EMILIN2: variants seen among roughly 807,000 people sequenced by gnomAD.
EMILIN2 encodes the protein elastin microfibril interfacer 2.
In EMILIN2, 71 loss-of-function variants were observed where a neutral mutation model predicts 87.1. That is an observed-to-expected ratio of 0.82 (90% CI 0.67 to 0.99). The LOEUF (loss-of-function observed/expected upper bound fraction) is 0.99. Among genes scored for constraint, EMILIN2 ranks in the 50% least tolerant of loss-of-function variants. The pLI, the probability that EMILIN2 is intolerant of heterozygous loss-of-function variation, is 0.00. For synonymous variants in EMILIN2, 581 were observed against 563.4 expected (o/e 1.03, Z -0.44); for missense variants, 1,407 against 1,371.8 (o/e 1.03, Z -0.40).
At chr18:2,912,945 CCAT>C (rs1452066455) in intron 7 of EMILIN2, 119 bp from the exon 8 acceptor site, 1 of 1,036,988 alleles carries the variant, frequency 9.6e-7, no homozygotes, top group Non-Finnish European at 1.4e-6. Context: ...CAGCCAGCTA[CCAT>C]GGGAAGACAG....
rs1320622457 is a variant in EMILIN2, at chr18:2,887,787, A to T, written c.433+2648A>T. On this transcript the variant is annotated intron_variant, in intron 3 of 7. Coordinates refer to ENST00000254528, the MANE Select transcript of EMILIN2 (RefSeq NM_032048.3). ...CATACCCTGAATTCACTGTCATTAT[A>T]AAAAAAATACTATTTTTACAACTTT... Among the ~76,000 whole-genome samples, 12 of 115,136 alleles carry T rather than the reference A, an allele frequency of 1.0e-4. 1 individual carries two copies. The highest frequency in any genetic ancestry group is 9.6e-4 in the Admixed American group (12 of 12,466). 75.5% of individuals were successfully genotyped at this position (115,136 alleles called of 152,430 possible).
intron 2 of EMILIN2, among the ~76,000 whole-genome samples, chr18:2,883,719 T>C (rs1370564801): frequency 6.6e-6 from 1 of 152,242 alleles, no homozygotes; most frequent in African/African-American, 2.4e-5. Context: ...CTGTGTGATA[T>C]TCCAGGGCAT....
intron 2 of EMILIN2, among the ~76,000 whole-genome samples, chr18:2,881,638 C>T (rs2076777231): frequency 6.6e-6 from 1 of 152,234 alleles, no homozygotes; most frequent in African/African-American, 2.4e-5. Context: ...CCTGGCTCAG[C>T]CTCCTCTGAG....
chr18:2,913,224 C>T lies in EMILIN2; in HGVS notation c.2982C>T (p.Arg994=), dbSNP rs762124101. 1.2e-6 allele frequency: 2 copies of T among 1,613,990 alleles called. No individual in the cohort carries two copies. The highest frequency in any genetic ancestry group is 2.2e-5 in the East Asian group (1 of 44,878). ...GGAGAGAGTTCCTGGAATACCACCGCCCTCCAGGAGCTTTGCATACCTGCG... is the reference window on the plus strand; with the variant it reads ...GGAGAGAGTTCCTGGAATACCACCGTCCTCCAGGAGCTTTGCATACCTGCG... ...GYRREFLEYH[R]PPGALHTCGG... The change falls in exon 8 of 8, where the codon CGC becomes CGT. Residue 994 remains arginine (R), a synonymous_variant. Transcript: ENST00000254528.
At chr18:2,861,089 T>C (rs1191381971) in intron 2 of EMILIN2, among the ~76,000 whole-genome samples, 1 of 152,180 alleles carries the variant, frequency 6.6e-6, no homozygotes, top group Non-Finnish European at 1.5e-5. Context: ...GGTTTTTTGT[T>C]TTTTTTCTTG....
intron 2 of EMILIN2, among the ~76,000 whole-genome samples, chr18:2,875,328 A>T (rs1438979137): frequency 6.6e-6 from 1 of 152,180 alleles, no homozygotes; most frequent in Non-Finnish European, 1.5e-5. Flanking sequence ...AGGCCAGCAG[A>T]TGTTCTCATG....
chr18:2,905,666 G>A (rs2076907109), intron 4 of EMILIN2, among the ~76,000 whole-genome samples: 1 of 151,776 alleles, frequency 6.6e-6, no homozygotes, highest in Non-Finnish European at 1.5e-5. Flanking sequence ...TGCAGCGGGC[G>A]ATCTCGGCTC....
chr18:2,897,110 A>G (rs957711532), intron 4 of EMILIN2, among the ~76,000 whole-genome samples: 2 of 152,250 alleles, frequency 1.3e-5, no homozygotes, highest in Admixed American at 6.5e-5. Flanking sequence ...GCAGAAGGTC[A>G]TCAGCAATGA....
chr18:2,876,306 T>C (rs2076747611), intron 2 of EMILIN2, among the ~76,000 whole-genome samples: 1 of 151,874 alleles, frequency 6.6e-6, no homozygotes, highest in Admixed American at 6.6e-5. Context: ...AAAAGCTAGC[T>C]TGTTACTCTA....
Position 2,848,331 on chromosome 18 carries a change from G to A in EMILIN2, c.257+400G>A, listed in dbSNP as rs1325776053. Among the ~76,000 whole-genome samples, 2 of 152,138 alleles carry A rather than the reference G, an allele frequency of 1.3e-5. No individual in the cohort carries two copies. Among genetic ancestry groups the A allele is most frequent in the African/African-American group, 2.4e-5 (1 of 41,424 alleles). ...AATGTATACTGCTAAAGACTATTCC[G>A]TATAGGATTCGCTGAGAGGTTTGGC... On this transcript the variant is annotated intron_variant, in intron 2 of 7. Transcript: ENST00000254528. This position sits in a 1 kb window ranked among gnomAD's most constrained non-coding sequence, Gnocchi z 4.1.
At position 2,915,524 on chromosome 18, in the gene EMILIN2, T is replaced by A. The variant is rs1367948133; in HGVS notation, c.*2120T>A. On this transcript the variant is annotated 3_prime_UTR_variant, in exon 8 of 8. Coordinates refer to ENST00000254528, the MANE Select transcript of EMILIN2 (RefSeq NM_032048.3). ...ACAGAATCAGGCACAAGTTCACAAC[T>A]TTTTTTTTTTTTTGGGGGGAGACAG... 2 of 55,300 alleles carry A rather than the reference T, an allele frequency of 3.6e-5. No homozygotes were observed. The allele number at this position is 55,300 out of a possible 1,614,324, so 3.4% of individuals were successfully genotyped here.
At chr18:2,896,172 A>C (rs1279734190) in intron 4 of EMILIN2, among the ~76,000 whole-genome samples, 1 of 151,990 alleles carries the variant, frequency 6.6e-6, no homozygotes, top group Non-Finnish European at 1.5e-5. Flanking sequence ...TAATGAATAA[A>C]TAAATATATA....
chr18:2,878,958 A>T (rs1272570750), intron 2 of EMILIN2, among the ~76,000 whole-genome samples: 2 of 152,182 alleles, frequency 1.3e-5, no homozygotes, highest in Non-Finnish European at 2.9e-5. Context: ...GTGCAGTTTT[A>T]GTAGCCTGTG....
chr18:2,879,680 C>T (rs898654636), intron 2 of EMILIN2, among the ~76,000 whole-genome samples: 4 of 151,388 alleles, frequency 2.6e-5, no homozygotes, highest in African/African-American at 9.7e-5. Context: ...CAACACCCCC[C>T]CCAAAAAAAG....
chr18:2,891,608 T>A lies in EMILIN2; in HGVS notation c.1481T>A (p.Ile494Lys). The A allele has an allele frequency of 1.2e-6, 2 of 1,613,944 alleles. No individual in the cohort carries two copies. The highest frequency in any genetic ancestry group is 1.7e-6 in the Non-Finnish European group (2 of 1,180,026). The change falls in exon 4 of 8, where the codon ATA becomes AAA. Residue 494 changes from isoleucine to lysine, a missense_variant. Physicochemically the swap from Ile to Lys is moderately radical, Grantham distance 102. Transcript: ENST00000254528. The surrounding 1 kb of genome is among the most constrained non-coding windows in gnomAD (Gnocchi z 4.6). ...GDLKQLVDQK[I>K]QSLEDRLGSV... Reference sequence around the variant, plus strand: ...TTGAAGCAGCTTGTTGATCAGAAAATACAGTCTCTGGAAGACCGTCTGGGG... The same window carrying A: ...TTGAAGCAGCTTGTTGATCAGAAAAAACAGTCTCTGGAAGACCGTCTGGGG...
intron 4 of EMILIN2, among the ~76,000 whole-genome samples, chr18:2,897,057 T>C (rs1197931165): frequency 2.0e-5 from 3 of 152,166 alleles, no homozygotes; most frequent in Non-Finnish European, 4.4e-5. Context: ...GGAAGTTCTT[T>C]TGAAAAACCC....
At chr18:2,862,159 T>C (rs997313845) in intron 2 of EMILIN2, among the ~76,000 whole-genome samples, 2 of 152,178 alleles carry the variant, frequency 1.3e-5, no homozygotes, top group Non-Finnish European at 2.9e-5. Flanking sequence ...TTTCTAGATA[T>C]ACAATCATGT....
At chr18:2,885,476 A>C (rs1368541820) in intron 3 of EMILIN2, among the ~76,000 whole-genome samples, 1 of 152,130 alleles carries the variant, frequency 6.6e-6, no homozygotes, top group African/African-American at 2.4e-5. Context: ...GTTTGTTTTT[A>C]CTTGGGCCCA....
Position 2,907,911 on chromosome 18 carries a change from A to T in EMILIN2, c.2662+826A>T, listed in dbSNP as rs2076922412. Among the ~76,000 whole-genome samples the T allele has an allele frequency of 4.6e-5, 7 of 152,222 alleles. 1 individual carries two copies. Among genetic ancestry groups the T allele is most frequent in the Admixed American group, 4.6e-4 (7 of 15,284 alleles). On this transcript the variant is annotated intron_variant, in intron 5 of 7. Coordinates refer to ENST00000254528, the MANE Select transcript of EMILIN2 (RefSeq NM_032048.3). ...AACCAGTCAGTCCCCTCTGAGTCAG[A>T]CCAGGCTGACCATCAGGGACATGCA... is the stretch of plus-strand genomic sequence containing the variant.
Sources: allele counts gnomAD v4.1 joint callset (sites outside exome capture counted in the v4.1 genomes callset), GRCh38; gene constraint gnomAD v4.1.1; non-coding constraint Gnocchi (gnomAD v3.1); transcripts MANE v1.5; gene names NCBI Gene and HGNC (gene_info 2026-07-23, HGNC 2026-07-21).